EYS: variants seen among roughly 807,000 people sequenced by gnomAD.
The protein encoded by EYS is EGF-like photoreceptor maintenance factor.
A neutral mutation model predicts 282.1 loss-of-function variants in EYS; 250 were observed. The ratio of observed to expected loss-of-function variants is 0.89; its 90% confidence interval spans 0.80 to 0.98. The LOEUF is 0.98. EYS is among the 50% of genes least tolerant of loss of function. The pLI is 0.00. For synonymous variants in EYS, 1,355 were observed against 1,282.9 expected, an observed-to-expected ratio of 1.06 and a Z score of -1.20; for missense variants, 4,016 against 3,709.0, an observed-to-expected ratio of 1.08 and a Z score of -2.15.
intron 35 of EYS, among the ~76,000 whole-genome samples, chr6:63,947,100 T>G (rs1765421519): frequency 6.6e-6 from 1 of 151,882 alleles, no homozygotes; most frequent in African/African-American, 2.4e-5. Flanking sequence ...AAAGTGAGGG[T>G]GATGGTGGTT....
rs576328804 is a variant in EYS, at chr6:64,021,817, T to C, written c.6726-22634A>G. 2.6e-3 allele frequency among the ~76,000 whole-genome samples: 403 copies of C among 152,258 alleles called. 2 individuals carry two copies. The highest frequency in any genetic ancestry group is 9.3e-3 in the African/African-American group (388 of 41,570). ...AATCTCTTATTTAGTTACCTAAAAG[T>C]TCTCTAGGCCTCTGTAAGAAATTAT... is the stretch of plus-strand genomic sequence containing the variant. On this transcript the variant is annotated intron_variant, in intron 33 of 42. Coordinates refer to ENST00000503581, the MANE Select transcript of EYS (RefSeq NM_001142800.2).
At chr6:64,852,758 T>A (rs1562225970) in intron 19 of EYS, among the ~76,000 whole-genome samples, 1 of 152,044 alleles carries the variant, frequency 6.6e-6, no homozygotes, top group Non-Finnish European at 1.5e-5. Flanking sequence ...AAGTAACATG[T>A]GAAAACCAAG....
At chr6:64,156,098 G>C (rs919015859) in intron 31 of EYS, among the ~76,000 whole-genome samples, 3 of 150,896 alleles carry the variant, frequency 2.0e-5, no homozygotes, top group Admixed American at 1.3e-4. Context: ...GATATGGTTT[G>C]ACTCTGTGTC....
At chr6:64,810,623 T>C (rs1426520038) in intron 22 of EYS, among the ~76,000 whole-genome samples, 1 of 152,060 alleles carries the variant, frequency 6.6e-6, no homozygotes. Context: ...TAAATTTCAA[T>C]TGGAAAAAAT....
intron 26 of EYS, among the ~76,000 whole-genome samples, chr6:64,584,413 T>G (rs1228411215): frequency 6.6e-6 from 1 of 151,502 alleles, no homozygotes; most frequent in Non-Finnish European, 1.5e-5. Context: ...TTTAATATAA[T>G]ATTTAATATA....
Position 64,694,946 on chromosome 6 carries a change from G to C in EYS, c.3444-68701C>G, listed in dbSNP as rs758037534. 1.2e-3 allele frequency among the ~76,000 whole-genome samples: 175 copies of C among 152,124 alleles called. 10 individuals carry two copies. Among genetic ancestry groups the C allele is most frequent in the Non-Finnish European group, 5.7e-4 (39 of 68,016 alleles). On this transcript the variant is annotated intron_variant, in intron 22 of 42. Transcript: ENST00000503581. ...GCCCCACTGGGTCAGGAGCAGGAGA[G>C]TAAAGCAGGCTACACTACCACCTGC...
intron 22 of EYS, among the ~76,000 whole-genome samples, chr6:64,632,068 T>C (rs1270741373): frequency 1.3e-5 from 2 of 151,860 alleles, no homozygotes; most frequent in African/African-American, 4.8e-5. Flanking sequence ...AACGATGTTA[T>C]GACTTTTTAT....
At chr6:64,007,478 A>G (rs1768406454) in intron 33 of EYS, among the ~76,000 whole-genome samples, 1 of 150,614 alleles carries the variant, frequency 6.6e-6, no homozygotes, top group East Asian at 2.0e-4. Flanking sequence ...GTTTTTTTAC[A>G]TCTCAATTTC....
At chr6:64,725,280 G>T (rs1009442680) in intron 22 of EYS, among the ~76,000 whole-genome samples, 12 of 152,010 alleles carry the variant, frequency 7.9e-5, no homozygotes, top group African/African-American at 2.7e-4. Context: ...AGTAGAAATG[G>T]GTAATCAAAT....
chr6:63,776,206 C>A (rs1770060620), intron 40 of EYS, among the ~76,000 whole-genome samples: 1 of 152,042 alleles, frequency 6.6e-6, no homozygotes, highest in Non-Finnish European at 1.5e-5. Context: ...GGAGAAAATA[C>A]AATGTGCCAA....
intron 13 of EYS, among the ~76,000 whole-genome samples, chr6:65,026,222 AG>A (rs1772403644): frequency 6.6e-6 from 1 of 152,236 alleles, no homozygotes; most frequent in Non-Finnish European, 1.5e-5. Context: ...TAAATGAAAC[AG>A]GGTTATTATT....
intron 26 of EYS, among the ~76,000 whole-genome samples, chr6:64,513,312 G>A (rs1201117639): frequency 1.3e-5 from 2 of 151,788 alleles, no homozygotes; most frequent in African/African-American, 2.4e-5. Context: ...ATTGTTAAAC[G>A]TACTGTTTTT....
chr6:64,500,302 A>T (rs1330935456), intron 26 of EYS, among the ~76,000 whole-genome samples: 1 of 152,122 alleles, frequency 6.6e-6, no homozygotes, highest in Non-Finnish European at 1.5e-5. Flanking sequence ...GTTTATAGAA[A>T]AGGCAATATT....
chr6:64,505,223 G>A (rs988868654), intron 26 of EYS, among the ~76,000 whole-genome samples: 1 of 152,148 alleles, frequency 6.6e-6, no homozygotes, highest in African/African-American at 2.4e-5. Flanking sequence ...CTGAAGGCTA[G>A]GCAATTCAGA....
At chr6:65,001,134 G>A (rs1241789444) in intron 13 of EYS, among the ~76,000 whole-genome samples, 1 of 119,144 alleles carries the variant, frequency 8.4e-6, no homozygotes, top group Non-Finnish European at 2.0e-5. Context: ...TCCGCAGATG[G>A]CTTTAAGGGT....
At position 65,437,302 on chromosome 6, in the gene EYS, T is replaced by A. The variant is rs545804751; in HGVS notation, c.863-31935A>T. ...GGATTAAAGAGAGAAAAACATATAT[T>A]AGTGTTTTTTAATGGTAACATGAGA... On this transcript the variant is annotated intron_variant, in intron 5 of 42. Coordinates refer to ENST00000503581, the MANE Select transcript of EYS (RefSeq NM_001142800.2). Among the ~76,000 whole-genome samples, 6 of 149,462 alleles carry A rather than the reference T, an allele frequency of 4.0e-5. No individual in the cohort carries two copies. In the South Asian group the frequency reaches 1.3e-3, roughly 33 times the overall value.
chr6:64,236,744 T>A (rs2150341078), intron 30 of EYS, among the ~76,000 whole-genome samples: 1 of 151,504 alleles, frequency 6.6e-6, no homozygotes, highest in African/African-American at 2.4e-5. Flanking sequence ...GCTTTCTATT[T>A]CTTTCAGGTT....
intron 13 of EYS, among the ~76,000 whole-genome samples, chr6:65,031,599 T>A (rs1038068219): frequency 3.3e-5 from 5 of 152,082 alleles, no homozygotes; most frequent in African/African-American, 1.2e-4. Flanking sequence ...TACAATTACA[T>A]GGAAATTAAA....
At chr6:65,218,476 C>T (rs768279824) in intron 12 of EYS, among the ~76,000 whole-genome samples, 2 of 151,994 alleles carry the variant, frequency 1.3e-5, no homozygotes, top group Non-Finnish European at 2.9e-5. Flanking sequence ...TTCAGCAAAA[C>T]AAAAACAAAA....
Sources: gnomAD v4.1 joint callset for allele counts (sites outside exome capture counted in the v4.1 genomes callset) on GRCh38, gnomAD v4.1.1 for gene constraint, MANE v1.5 for transcripts, NCBI Gene and HGNC (gene_info 2026-07-23, HGNC 2026-07-21) for gene names.